Variants in EPHA7 observed in about 807,000 individuals in gnomAD.
EPHA7 encodes the protein ephrin type-A receptor 7.
In EPHA7, 25 loss-of-function variants were observed where a neutral mutation model predicts 112.6. That is an observed-to-expected ratio of 0.22 (90% CI 0.16 to 0.31). The LOEUF is 0.31. EPHA7 is among the 10% of genes least tolerant of loss of function. The pLI is 1.00. For synonymous variants in EPHA7, 437 were observed against 406.5 expected (o/e 1.07, Z -0.90); for missense variants, 962 against 1,212.6 (o/e 0.79, Z 3.07).
At chr6:93,367,002 C>T (rs746652819) in intron 3 of EPHA7, among the ~76,000 whole-genome samples, 1 of 151,712 alleles carries the variant, frequency 6.6e-6, no homozygotes, top group Non-Finnish European at 1.5e-5. Flanking sequence ...AAATAAAGTA[C>T]TTTTAGTTCT....
chr6:93,359,854 T>C (rs1047380728), intron 3 of EPHA7, among the ~76,000 whole-genome samples: 1 of 125,234 alleles, frequency 8.0e-6, no homozygotes, highest in Non-Finnish European at 1.7e-5. Flanking sequence ...CAATAGATGA[T>C]AGAGAGAGAG....
intron 3 of EPHA7, among the ~76,000 whole-genome samples, chr6:93,391,878 G>A (rs922079658): frequency 1.3e-5 from 2 of 151,160 alleles, no homozygotes; most frequent in East Asian, 1.9e-4. Flanking sequence ...CGGTTTATGA[G>A]ATTAAAAAAA....
chr6:93,286,861 C>T (rs1772090995), intron 5 of EPHA7, among the ~76,000 whole-genome samples: 1 of 152,128 alleles, frequency 6.6e-6, no homozygotes, highest in Non-Finnish European at 1.5e-5. Context: ...CTGAAACAGT[C>T]ACATCCGGTG....
chr6:93,246,043 AT>A (rs779260927), intron 15 of EPHA7, among the ~76,000 whole-genome samples: 7 of 150,688 alleles, frequency 4.6e-5, no homozygotes, highest in African/African-American at 7.3e-5. Context: ...CATGTATTGA[AT>A]TTTTTTTTCT....
chr6:93,277,131 C>T (rs774967389), intron 5 of EPHA7, among the ~76,000 whole-genome samples: 3 of 151,980 alleles, frequency 2.0e-5, no homozygotes, highest in East Asian at 1.9e-4. Flanking sequence ...TCCTATTGTA[C>T]GTTATCAGCA....
chr6:93,351,286 T>A lies in EPHA7; in HGVS notation c.1324+5431A>T, dbSNP rs556327384. Among the ~76,000 whole-genome samples, 7 of 152,200 alleles carry A rather than the reference T, an allele frequency of 4.6e-5. No homozygotes were observed. The East Asian group carries it at 1.4e-3, about 29-fold the overall frequency. ...CCATGGAGTTGGCTGATGATTCCAA[T>A]GAGACCCCATCACAGCTCAGCCCTG... On this transcript the variant is annotated intron_variant, in intron 5 of 16. Transcript: ENST00000369303.
chr6:93,325,480 A>G (rs1774273867), intron 5 of EPHA7, among the ~76,000 whole-genome samples: 1 of 151,260 alleles, frequency 6.6e-6, no homozygotes, highest in Non-Finnish European at 1.5e-5. Context: ...CTGTAATTGT[A>G]AGCTTTGTTT....
Position 93,240,717 on chromosome 6 carries a change from T to C in EPHA7, c.*2709A>G, listed in dbSNP as rs1367705546. The C allele has an allele frequency of 1.0e-4, 22 of 214,220 alleles. No homozygotes were observed. In the East Asian group the frequency reaches 1.5e-3, roughly 14 times the overall value. 13.3% of individuals were successfully genotyped at this position (214,220 alleles called of 1,614,324 possible). On this transcript the variant is annotated 3_prime_UTR_variant, in exon 17 of 17. Coordinates refer to ENST00000369303, the MANE Select transcript of EPHA7 (RefSeq NM_004440.4). ...TTCTATTTTTGACGTTCACTTTCTC[T>C]ACTTTTCCTCCCCTGAGCACTAATT... is the stretch of plus-strand genomic sequence containing the variant.
chr6:93,384,228 G>A (rs903826262), intron 3 of EPHA7, among the ~76,000 whole-genome samples: 3 of 152,002 alleles, frequency 2.0e-5, no homozygotes, highest in African/African-American at 4.8e-5. Flanking sequence ...CCTCCATAAT[G>A]TGTCCCTAAC....
At chr6:93,269,917 A>G (rs1454703201) in intron 6 of EPHA7, among the ~76,000 whole-genome samples, 1 of 151,790 alleles carries the variant, frequency 6.6e-6, no homozygotes, top group African/African-American at 2.4e-5. Context: ...CAGAAGTAAT[A>G]TGTGACAAGA....
chr6:93,306,122 G>A (rs1431708076), intron 5 of EPHA7, among the ~76,000 whole-genome samples: 2 of 151,928 alleles, frequency 1.3e-5, no homozygotes, highest in African/African-American at 2.4e-5. Context: ...TCTAACTCTA[G>A]ATGGATTTTT....
chr6:93,347,021 A>G (rs1775436904), intron 5 of EPHA7, among the ~76,000 whole-genome samples: 1 of 151,896 alleles, frequency 6.6e-6, no homozygotes, highest in Non-Finnish European at 1.5e-5. Flanking sequence ...TAATTCCATC[A>G]TTATGGACTA....
At chr6:93,391,791 A>G (rs1266644733) in intron 3 of EPHA7, among the ~76,000 whole-genome samples, 1 of 151,882 alleles carries the variant, frequency 6.6e-6, no homozygotes, top group Non-Finnish European at 1.5e-5. Flanking sequence ...CAGAAAAAAA[A>G]TACTCCACTT....
intron 14 of EPHA7, among the ~76,000 whole-genome samples, chr6:93,254,327 TACTC>T (rs1276706512): frequency 3.9e-5 from 6 of 152,170 alleles, no homozygotes; most frequent in Non-Finnish European, 5.9e-5. Context: ...ATGATTCTTT[TACTC>T]ATGTGATGCT....
intron 6 of EPHA7, among the ~76,000 whole-genome samples, chr6:93,270,430 A>C (rs982401639): frequency 1.3e-5 from 2 of 151,456 alleles, no homozygotes; most frequent in Admixed American, 6.6e-5. Flanking sequence ...AAATGTAAAA[A>C]CTCAAGCATA....
intron 5 of EPHA7, among the ~76,000 whole-genome samples, chr6:93,318,145 C>A (rs2127878366): frequency 6.6e-6 from 1 of 152,262 alleles, no homozygotes. Flanking sequence ...TCAAGGATTT[C>A]TTGAATAAAA....
intron 5 of EPHA7, among the ~76,000 whole-genome samples, chr6:93,298,963 A>G (rs967009333): frequency 6.6e-6 from 1 of 152,164 alleles, no homozygotes; most frequent in African/African-American, 2.4e-5. Context: ...AGAGAAAAAA[A>G]CATTAAAAAG....
At chr6:93,299,967 C>T (rs1772890059) in intron 5 of EPHA7, among the ~76,000 whole-genome samples, 1 of 152,018 alleles carries the variant, frequency 6.6e-6, no homozygotes, top group African/African-American at 2.4e-5. Flanking sequence ...ACTCTGGAGC[C>T]TACTTGAAGA....
intron 11 of EPHA7, 59 bp downstream of exon 11, chr6:93,258,040 T>A: frequency 6.8e-7 from 1 of 1,464,832 alleles, no homozygotes; most frequent in Non-Finnish European, 9.5e-7. Context: ...GTGTACATAA[T>A]AATACTAATT....
Sources: gnomAD v4.1 joint callset for allele counts (sites outside exome capture counted in the v4.1 genomes callset) on GRCh38, gnomAD v4.1.1 for gene constraint, MANE v1.5 for transcripts, NCBI Gene and HGNC (gene_info 2026-07-23, HGNC 2026-07-21) for gene names.